GRM7: variants seen among roughly 807,000 people sequenced by gnomAD.
GRM7 encodes the protein metabotropic glutamate receptor 7.
A neutral mutation model predicts 84.5 loss-of-function variants in GRM7; 35 were observed. That is an observed-to-expected ratio of 0.41 (90% CI 0.32 to 0.55). The LOEUF (loss-of-function observed/expected upper bound fraction) is 0.55, where lower values mean the gene tolerates loss of function less well. Ranked by LOEUF, GRM7 falls within the 20% of genes least tolerant of loss-of-function variation. GRM7 has a pLI of 0.19. For synonymous variants in GRM7, 487 were observed against 455.1 expected (o/e 1.07, Z -0.89); for missense variants, 1,003 against 1,194.6 (o/e 0.84, Z 2.36).
At chr3:7,678,426 C>T (rs565783781) in intron 8 of GRM7, among the ~76,000 whole-genome samples, 3 of 152,232 alleles carry the variant, frequency 2.0e-5, no homozygotes, top group Admixed American at 2.0e-4. Context: ...CCATGGTTTG[C>T]AAATCTCTCA....
intron 4 of GRM7, among the ~76,000 whole-genome samples, chr3:7,413,677 C>T (rs1696039346): frequency 6.6e-6 from 1 of 152,108 alleles, no homozygotes; most frequent in Admixed American, 6.5e-5. Flanking sequence ...CCTGTCGAAC[C>T]ACCCAGTTGC....
chr3:7,451,190 T>C (rs1020944079), intron 5 of GRM7, among the ~76,000 whole-genome samples: 33 of 152,334 alleles, frequency 2.2e-4, no homozygotes, highest in African/African-American at 7.7e-4. Context: ...GAGCTACTGG[T>C]GTCGTGTACT....
chr3:7,183,047 C>G (rs753045385), intron 2 of GRM7, among the ~76,000 whole-genome samples: 1 of 151,946 alleles, frequency 6.6e-6, no homozygotes, highest in Non-Finnish European at 1.5e-5. Context: ...CGCTGGGCAT[C>G]AAAATGAATT....
intron 2 of GRM7, among the ~76,000 whole-genome samples, chr3:7,234,850 CTTAT>C (rs1697298937): frequency 6.6e-6 from 1 of 152,122 alleles, no homozygotes; most frequent in Non-Finnish European, 1.5e-5. Context: ...TTTTGCTTTA[CTTAT>C]TTAATATTCT....
intron 7 of GRM7, among the ~76,000 whole-genome samples, chr3:7,490,645 T>C (rs1699485274): frequency 6.6e-6 from 1 of 152,184 alleles, no homozygotes; most frequent in Non-Finnish European, 1.5e-5. Context: ...CTATTAATCA[T>C]TGTTGAAGTT....
chr3:7,626,349 G>C (rs1316648731), intron 8 of GRM7, among the ~76,000 whole-genome samples: 1 of 152,200 alleles, frequency 6.6e-6, no homozygotes, highest in Non-Finnish European at 1.5e-5. Flanking sequence ...CTCAGTCACA[G>C]GCTGGACGAT....
intron 4 of GRM7, among the ~76,000 whole-genome samples, chr3:7,399,065 G>C (rs1163639383): frequency 1.3e-5 from 2 of 151,194 alleles, no homozygotes; most frequent in Non-Finnish European, 2.9e-5. Context: ...GCATTTTCTT[G>C]GCTTCTGAAT....
chr3:7,418,695 T>A (rs1458389068), intron 5 of GRM7, among the ~76,000 whole-genome samples: 6 of 152,114 alleles, frequency 3.9e-5, no homozygotes, highest in Non-Finnish European at 8.8e-5. Context: ...ATGGAGATAC[T>A]AAGGGTCAAT....
intron 8 of GRM7, among the ~76,000 whole-genome samples, chr3:7,605,281 T>C (rs1415742537): frequency 1.3e-5 from 2 of 152,164 alleles, no homozygotes; most frequent in Non-Finnish European, 2.9e-5. Flanking sequence ...ATTTTATTAT[T>C]GGCAATTTGC....
chr3:7,244,094 A>T (rs1697665380), intron 2 of GRM7, among the ~76,000 whole-genome samples: 1 of 152,120 alleles, frequency 6.6e-6, no homozygotes, highest in South Asian at 2.1e-4. Flanking sequence ...TAGACTTTAT[A>T]AATATTGTAC....
At chr3:7,043,192 C>G (rs895567848) in intron 1 of GRM7, among the ~76,000 whole-genome samples, 2 of 152,148 alleles carry the variant, frequency 1.3e-5, no homozygotes, top group Non-Finnish European at 2.9e-5. Context: ...GGCAGTTACC[C>G]CACACTCATG....
intron 1 of GRM7, among the ~76,000 whole-genome samples, chr3:6,877,401 G>T (rs943216030): frequency 6.6e-6 from 1 of 152,154 alleles, no homozygotes; most frequent in African/African-American, 2.4e-5. Context: ...GATTTGTTAT[G>T]AAAAGTGGGT....
intron 1 of GRM7, among the ~76,000 whole-genome samples, chr3:6,953,326 C>A (rs1246146566): frequency 6.6e-6 from 1 of 152,184 alleles, no homozygotes; most frequent in East Asian, 1.9e-4. Context: ...AACTCACATG[C>A]CTTGGCAAGA....
At chr3:7,189,563 G>T (rs1338764747) in intron 2 of GRM7, among the ~76,000 whole-genome samples, 1 of 152,084 alleles carries the variant, frequency 6.6e-6, no homozygotes, top group East Asian at 1.9e-4. Flanking sequence ...TATTCTGAGA[G>T]ATATTTATGG....
intron 1 of GRM7, among the ~76,000 whole-genome samples, chr3:6,979,147 C>G (rs750858928): frequency 1.3e-5 from 2 of 152,114 alleles, no homozygotes; most frequent in Non-Finnish European, 2.9e-5. Flanking sequence ...AAAAGACCCA[C>G]CATTTGATTT....
intron 1 of GRM7, among the ~76,000 whole-genome samples, chr3:7,036,404 T>A (rs1040087354): frequency 6.6e-6 from 1 of 152,172 alleles, no homozygotes; most frequent in African/African-American, 2.4e-5. Flanking sequence ...TGTTTGACGA[T>A]GGCATGAACA....
intron 5 of GRM7, among the ~76,000 whole-genome samples, chr3:7,432,878 A>T (rs980593936): frequency 1.3e-5 from 2 of 152,312 alleles, no homozygotes; most frequent in South Asian, 4.1e-4. Flanking sequence ...TGTATGGAGG[A>T]TAAGGGAGTT....
In GRM7 at chr3:7,344,402, C is replaced by T. The variant is rs117211428; in HGVS notation, c.1033+37750C>T. ...AGATAATGGTCTCCAGTTCCATCCA[C>T]GTCCCAGCAAAGGACATGATCTCGT... On this transcript the variant is annotated intron_variant, in intron 4 of 9. Transcript: ENST00000357716. Among the ~76,000 whole-genome samples the T allele has an allele frequency of 2.4e-3, 370 of 152,054 alleles. 10 individuals are homozygous for T. In the East Asian group the frequency reaches 0.061, roughly 25 times the overall value.
At chr3:6,909,786 A>C (rs892637377) in intron 1 of GRM7, among the ~76,000 whole-genome samples, 1 of 152,090 alleles carries the variant, frequency 6.6e-6, no homozygotes, top group Non-Finnish European at 1.5e-5. Flanking sequence ...GTTTGATTTC[A>C]ATTGGGACAC....
Sources: gnomAD v4.1 joint callset for allele counts (sites outside exome capture counted in the v4.1 genomes callset) on GRCh38, gnomAD v4.1.1 for gene constraint, MANE v1.5 for transcripts, NCBI Gene and HGNC (gene_info 2026-07-23, HGNC 2026-07-21) for gene names.